The following NUBP1 variants were observed in gnomAD, a reference collection of about 807,000 sequenced individuals.
NUBP1 encodes cytosolic Fe-S cluster assembly factor NUBP1.
Under a neutral mutation model 41.8 loss-of-function variants are expected in NUBP1, and 46 were observed. That is an observed-to-expected ratio of 1.10 (90% confidence interval 0.87 to 1.41). The LOEUF is 1.41. Among genes scored for constraint, NUBP1 ranks in the 40% most tolerant of loss-of-function variants. NUBP1 has a pLI of 0.00. For missense variants in NUBP1, 494 were observed against 414.0 expected (o/e 1.19, Z -1.68); for synonymous variants, 189 against 154.6 (o/e 1.22, Z -1.65).
intron 4 of NUBP1, among the ~76,000 whole-genome samples, chr16:10,753,688 C>G (rs1313493945): frequency 6.6e-6 from 1 of 152,038 alleles, no homozygotes; most frequent in African/African-American, 2.4e-5. Context: ...GAAACCAACC[C>G]AGAGTGAGGG....
chr16:10,761,993 A>G, intron 9 of NUBP1, 134 bp downstream of exon 9: 1 of 663,976 alleles, frequency 1.5e-6, no homozygotes. Context: ...AGCCAGACCC[A>G]CCCTCCAGCT....
At chr16:10,758,140 C>A in intron 7 of NUBP1, 113 bp downstream of exon 7, 26 of 1,238,490 alleles carry the variant, frequency 2.1e-5, no homozygotes, top group Non-Finnish European at 2.7e-5. Context: ...AGTGTGTGTT[C>A]CGCAGCTGCA....
At chr16:10,756,880 C>G in intron 6 of NUBP1, 100 bp downstream of exon 6, 1 of 868,452 alleles carries the variant, frequency 1.2e-6, no homozygotes, top group South Asian at 1.7e-5. Context: ...GCCTGCTGGA[C>G]TTCACAGTAT....
At chr16:10,751,808 C>G (rs948398137) in intron 3 of NUBP1, among the ~76,000 whole-genome samples, 1 of 152,210 alleles carries the variant, frequency 6.6e-6, no homozygotes, top group Non-Finnish European at 1.5e-5. Flanking sequence ...CAAAGGAAAA[C>G]AGGGCTTGGT....
Position 10,747,187 on chromosome 16 carries a change from A to G in NUBP1, c.169A>G (p.Ile57Val), listed in dbSNP as rs1238300810. The G allele has an allele frequency of 2.5e-6, 4 of 1,614,096 alleles. No individual in the cohort carries two copies. The African/African-American group carries it at 4.0e-5, about 16-fold the overall frequency. The change falls in exon 3 of 11, where the codon ATC (isoleucine) becomes GTC (valine). Residue 57 changes from isoleucine to valine, a missense_variant. Ile to Val is a conservative substitution (Grantham distance 29). Transcript: ENST00000283027. ...KEKMKTVKHK[I>V]LVLSGKGGVG... Reference sequence around the variant, plus strand: ...GAAAATGAAGACTGTAAAACACAAAATCTTGGTATTGTCTGGGAAAGGCGG... The same window carrying G: ...GAAAATGAAGACTGTAAAACACAAAGTCTTGGTATTGTCTGGGAAAGGCGG...
intron 2 of NUBP1, 83 bp from the exon 3 acceptor site, chr16:10,747,060 T>G: frequency 1.3e-6 from 2 of 1,550,696 alleles, no homozygotes; most frequent in Non-Finnish European, 1.8e-6. Context: ...GGACTAGGAC[T>G]TAGCTCTTTC....
At chr16:10,744,744 AT>A (rs111994625) in intron 2 of NUBP1, among the ~76,000 whole-genome samples, 45 of 151,036 alleles carry the variant, frequency 3.0e-4, no homozygotes, top group African/African-American at 9.7e-4. Context: ...GGAGGACAAT[AT>A]TTTTTTTTCT....
chr16:10,762,721 A>G (rs1000043470), intron 9 of NUBP1, among the ~76,000 whole-genome samples: 1 of 151,472 alleles, frequency 6.6e-6, no homozygotes, highest in East Asian at 2.0e-4. Context: ...TTGTCAGGGA[A>G]CCAAGGCCAG....
chr16:10,758,410 T>C (rs1018866503), intron 7 of NUBP1, among the ~76,000 whole-genome samples: 1 of 152,066 alleles, frequency 6.6e-6, no homozygotes, highest in African/African-American at 2.4e-5. Context: ...GGAAAGGAGG[T>C]TGCAGTGAGC....
chr16:10,757,817 T>C lies in NUBP1; in HGVS notation c.452-56T>C. On this transcript the variant is annotated intron_variant, in intron 6 of 10. Coordinates refer to ENST00000283027, the MANE Select transcript of NUBP1 (RefSeq NM_002484.4). This position sits in a 1 kb window ranked among gnomAD's most constrained non-coding sequence, Gnocchi z 4.1. ...ATCCTTTAAAAAAAAAAGAGGGAGT[T>C]GAAAGTACAGAAAAGAAAGGAAAAG... 1.3e-6 allele frequency: 2 copies of C among 1,570,830 alleles called. No homozygotes were observed. Among genetic ancestry groups the C allele is most frequent in the South Asian group, 2.3e-5 (2 of 85,982 alleles).
chr16:10,765,506 T>TC lies in NUBP1; in HGVS notation c.821-2442dup, dbSNP rs200406990. ...CTGGGCGACAGAGCAAGAACCTGTC[T>TC]CAAAAAAAAATTTAAAAATGGCATG... On this transcript the variant is annotated intron_variant, in intron 9 of 10. Transcript: ENST00000283027. This position sits in a 1 kb window ranked among gnomAD's most constrained non-coding sequence, Gnocchi z 4.0. 6.6e-6 allele frequency among the ~76,000 whole-genome samples: 1 copy of TC among 151,940 alleles called. No individual in the cohort carries two copies. The highest frequency in any genetic ancestry group is 1.9e-4 in the East Asian group (1 of 5,172).
Position 10,767,151 on chromosome 16 carries a change from A to C in NUBP1, c.821-798A>C. On this transcript the variant is annotated intron_variant, in intron 9 of 10. Coordinates refer to ENST00000283027, the MANE Select transcript of NUBP1 (RefSeq NM_002484.4). The surrounding 1 kb of genome is among the most constrained non-coding windows in gnomAD (Gnocchi z 4.6). ...CACTTGCCTGTTTCGCCAGCAGCTC[A>C]GGCCTGGGGAGTGGGCAGAGCAAGC... is the stretch of plus-strand genomic sequence containing the variant. 1 of 398,946 alleles carries C rather than the reference A, an allele frequency of 2.5e-6. No homozygotes were observed. The highest frequency in any genetic ancestry group is 4.4e-6 in the Non-Finnish European group (1 of 226,320). The allele number at this position is 398,946 out of a possible 1,614,324, so 24.7% of individuals were successfully genotyped here.
chr16:10,753,051 C>A (rs1450062634), intron 4 of NUBP1, among the ~76,000 whole-genome samples: 1 of 152,204 alleles, frequency 6.6e-6, no homozygotes, highest in Non-Finnish European at 1.5e-5. Context: ...GCCTCAGCCT[C>A]CCAAAGTGCT....
chr16:10,764,997 A>T (rs952266507), intron 9 of NUBP1: 3 of 162,958 alleles, frequency 1.8e-5, no homozygotes, highest in Admixed American at 1.3e-4. Context: ...CTTACCCATC[A>T]GAGGGGCTGC....
chr16:10,764,467 G>A (rs2142794235), intron 9 of NUBP1, among the ~76,000 whole-genome samples: 1 of 151,010 alleles, frequency 6.6e-6, no homozygotes, highest in African/African-American at 2.4e-5. Flanking sequence ...ATCTCAGTCT[G>A]CTGGAGTATG....
At chr16:10,755,666 T>C in intron 4 of NUBP1, 55 bp from the exon 5 acceptor site, 1 of 1,554,802 alleles carries the variant, frequency 6.4e-7, no homozygotes, top group Admixed American at 1.7e-5. Context: ...GTGCATGAAA[T>C]GTGACCAGGG....
At chr16:10,750,616 C>T (rs1900274725) in intron 3 of NUBP1, among the ~76,000 whole-genome samples, 1 of 152,144 alleles carries the variant, frequency 6.6e-6, no homozygotes, top group Admixed American at 6.5e-5. Flanking sequence ...CTAGGTGTTT[C>T]AGGACTGAGT....
intron 9 of NUBP1, among the ~76,000 whole-genome samples, chr16:10,762,279 G>A (rs1035622701): frequency 6.6e-6 from 1 of 152,194 alleles, no homozygotes; most frequent in Non-Finnish European, 1.5e-5. Context: ...CACAGATGAG[G>A]CCCCTTTGTC....
rs1446328587 is a variant in NUBP1, at chr16:10,766,037, C to T, written c.821-1912C>T. On this transcript the variant is annotated intron_variant, in intron 9 of 10. Coordinates refer to ENST00000283027, the MANE Select transcript of NUBP1 (RefSeq NM_002484.4). The surrounding 1 kb of genome is among the most constrained non-coding windows in gnomAD (Gnocchi z 4.8). ...TGGGGACAGAGTGGGGGAAAACCCA[C>T]CTTCCTAGGAACAGACAGGAAGGCA... The T allele has an allele frequency of 2.6e-5, 4 of 152,348 alleles. No homozygotes were observed. Among genetic ancestry groups the T allele is most frequent in the African/African-American group, 9.6e-5 (4 of 41,460 alleles). The allele number at this position is 152,348 out of a possible 1,614,324, so 9.4% of individuals were successfully genotyped here. A position where few individuals can be genotyped will look rare whatever the true frequency, so the allele number is the denominator to read the frequency against.
Sources: gnomAD v4.1 joint callset for allele counts (sites outside exome capture counted in the v4.1 genomes callset) on GRCh38, gnomAD v4.1.1 for gene constraint, Gnocchi (gnomAD v3.1) non-coding constraint, MANE v1.5 for transcripts, NCBI Gene and HGNC (gene_info 2026-07-23, HGNC 2026-07-21) for gene names.